The following CWF19L1 variants were observed in gnomAD, a reference collection of about 807,000 sequenced individuals.
CWF19L1 encodes the protein CWF19-like protein 1.
CWF19L1 carries 60 observed loss-of-function variants against 69.7 expected under a neutral mutation model. That is an observed-to-expected ratio of 0.86 (90% CI 0.70 to 1.07). The LOEUF is 1.07. Ranked by LOEUF, CWF19L1 falls within the 50% of genes least tolerant of loss-of-function variation. The pLI is 0.00. For missense variants in CWF19L1, 591 were observed against 638.9 expected (o/e 0.92, Z 0.81); for synonymous variants, 209 against 222.2 (o/e 0.94, Z 0.53).
intron 10 of CWF19L1, among the ~76,000 whole-genome samples, chr10:100,239,588 G>A (rs1372305661): frequency 2.0e-5 from 3 of 152,160 alleles, no homozygotes; most frequent in African/African-American, 4.8e-5. Context: ...ACAGTGAGCC[G>A]AGATCGTGCC....
intron 12 of CWF19L1, 140 bp from the exon 13 acceptor site, chr10:100,235,904 G>C (rs1207554626): frequency 3.2e-6 from 2 of 625,458 alleles, no homozygotes; most frequent in East Asian, 2.8e-5. Flanking sequence ...AAGCCACTTA[G>C]TGGAACTAGG....
intron 13 of CWF19L1, among the ~76,000 whole-genome samples, chr10:100,234,338 A>G (rs909657154): frequency 2.0e-5 from 3 of 152,238 alleles, no homozygotes; most frequent in Admixed American, 1.3e-4. Context: ...AAAATGCTAT[A>G]TAACTATAAA....
intron 7 of CWF19L1, 62 bp from the exon 8 acceptor site, chr10:100,246,997 C>A: frequency 7.0e-7 from 1 of 1,431,826 alleles, no homozygotes. Flanking sequence ...TGTAATCAAC[C>A]TATTTTACTG....
At position 100,234,463 on chromosome 10, in the gene CWF19L1, T is replaced by C. The variant is rs1846368504; in HGVS notation, c.1473-1092A>G. 2.6e-5 allele frequency among the ~76,000 whole-genome samples: 4 copies of C among 152,380 alleles called. No homozygotes were observed. In the South Asian group the frequency reaches 6.2e-4, roughly 24 times the overall value. ...ATGTGTATCTGCAATCGTGTGCTTA[T>C]GTTGTCAATGTTCATAACCGCATCT... On this transcript the variant is annotated intron_variant, in intron 13 of 13. Coordinates refer to ENST00000354105, the MANE Select transcript of CWF19L1 (RefSeq NM_018294.6).
chr10:100,256,147 T>C (rs1390256541), intron 5 of CWF19L1, 115 bp downstream of exon 5: 3 of 748,246 alleles, frequency 4.0e-6, no homozygotes, highest in African/African-American at 3.6e-5. Flanking sequence ...AGAAGACTTC[T>C]AATAAAAGGT....
intron 7 of CWF19L1, chr10:100,250,037 C>A: frequency 1.7e-6 from 1 of 573,346 alleles, no homozygotes; most frequent in Non-Finnish European, 3.1e-6. Flanking sequence ...TTCCTCTGGG[C>A]CTATTTTCCC....
intron 5 of CWF19L1, among the ~76,000 whole-genome samples, chr10:100,254,802 T>G (rs1338049170): frequency 6.6e-6 from 1 of 152,202 alleles, no homozygotes; most frequent in Non-Finnish European, 1.5e-5. Flanking sequence ...CTTCATCACT[T>G]TAGCAGCCCT....
At chr10:100,249,828 C>T (rs1342210339) in intron 7 of CWF19L1, among the ~76,000 whole-genome samples, 4 of 152,258 alleles carry the variant, frequency 2.6e-5, no homozygotes, top group Admixed American at 6.5e-5. Flanking sequence ...TCAAGTGATC[C>T]GCCCACCTCA....
intron 13 of CWF19L1, 120 bp downstream of exon 13, chr10:100,235,547 C>T: frequency 1.5e-6 from 1 of 648,654 alleles, no homozygotes; most frequent in Non-Finnish European, 2.7e-6. Context: ...GCCCTAAGAC[C>T]ATGGGTCCTC....
intron 5 of CWF19L1, 23 bp from the exon 6 acceptor site, chr10:100,253,562 T>C: frequency 7.2e-7 from 1 of 1,380,294 alleles, no homozygotes; most frequent in Non-Finnish European, 1.0e-6. Flanking sequence ...AACTTAGTCA[T>C]CCATACAGAC....
rs1846981601 is a variant in CWF19L1 at position 100,250,300 on chromosome 10, T to C, written c.656A>G (p.His219Arg). The C allele has an allele frequency of 7.4e-6, 12 of 1,612,944 alleles. No individual in the cohort carries two copies. Among genetic ancestry groups the C allele is most frequent in the Non-Finnish European group, 1.0e-5 (12 of 1,179,078 alleles). ...NHIILQENAQHATRFIALANV... is the reference protein window; with the variant it reads ...NHIILQENAQRATRFIALANV... ...TGCCAGAGCTATAAACCGGGTGGCATGCTGTGCATTTTCCTGTAGAATGAT... is the reference window on the plus strand; with the variant it reads ...TGCCAGAGCTATAAACCGGGTGGCACGCTGTGCATTTTCCTGTAGAATGAT... The change falls in exon 7 of 14, where the codon CAT becomes CGT. Residue 219 changes from histidine (H) to arginine (R), a missense_variant. This residue lies in a region of CWF19L1 where 458 missense variants were observed against 489.3 expected (regional missense o/e 0.94). Transcript: ENST00000354105.
chr10:100,248,013 G>A (rs138502255), intron 7 of CWF19L1, among the ~76,000 whole-genome samples: 10 of 152,128 alleles, frequency 6.6e-5, no homozygotes, highest in Non-Finnish European at 1.5e-4. Context: ...ATTTAACAAT[G>A]CTTGCCAAAT....
chr10:100,264,112 A>G (rs1847492560), intron 1 of CWF19L1, among the ~76,000 whole-genome samples: 1 of 152,220 alleles, frequency 6.6e-6, no homozygotes. Context: ...AGTGCAATAT[A>G]TTACTCATTT....
intron 11 of CWF19L1, among the ~76,000 whole-genome samples, chr10:100,237,673 G>C (rs1015049384): frequency 4.0e-5 from 6 of 151,828 alleles, no homozygotes; most frequent in Non-Finnish European, 8.8e-5. Context: ...TAAAGATGGA[G>C]TCTCGCTCTG....
chr10:100,248,589 A>G lies in CWF19L1; in HGVS notation c.709-1654T>C, dbSNP rs112734341. 1.1e-3 allele frequency: 800 copies of G among 739,304 alleles called. 9 individuals carry two copies. The highest frequency in any genetic ancestry group is 8.9e-3 in the African/African-American group (521 of 58,750). The allele number at this position is 739,304 out of a possible 1,614,324, so 45.8% of individuals were successfully genotyped here. ...TTCCTCGCATCTTGACCAGCATTGAAGAGGATTATGATAAGCGTGTGCTGC... is the reference window on the plus strand; with the variant it reads ...TTCCTCGCATCTTGACCAGCATTGAGGAGGATTATGATAAGCGTGTGCTGC... On this transcript the variant is annotated intron_variant, in intron 7 of 13. Coordinates refer to ENST00000354105, the MANE Select transcript of CWF19L1 (RefSeq NM_018294.6).
intron 1 of CWF19L1, 170 bp from the exon 2 acceptor site, chr10:100,262,233 C>T (rs1013814800): frequency 1.0e-6 from 1 of 985,382 alleles, no homozygotes; most frequent in Non-Finnish European, 1.2e-6. Context: ...AGGGTCTCAC[C>T]AACACCTCCC....
chr10:100,260,967 T>C lies in CWF19L1; in HGVS notation c.186A>G (p.Lys62=). The C allele has an allele frequency of 6.3e-7, 1 of 1,593,732 alleles. No individual in the cohort carries two copies. Among genetic ancestry groups the C allele is most frequent in the Non-Finnish European group, 8.6e-7 (1 of 1,165,802 alleles). The change falls in exon 3 of 14, where the codon AAA becomes AAG. Residue 62 remains lysine (K), a splice_region_variant and synonymous_variant. Coordinates refer to ENST00000354105, the MANE Select transcript of CWF19L1 (RefSeq NM_018294.6). The part of the protein sequence containing the change: ...EWEEYKTGIK[K]APIQTYVLGA... ...GTTAAATAAAAATAATTTCTATACCTTTCTTGATGCCAGTCTTATACTCCT... is the reference window on the plus strand; with the variant it reads ...GTTAAATAAAAATAATTTCTATACCCTTCTTGATGCCAGTCTTATACTCCT...
chr10:100,254,640 G>A (rs1195207202), intron 5 of CWF19L1: 1 of 152,104 alleles, frequency 6.6e-6, no homozygotes, highest in Non-Finnish European at 1.5e-5. Context: ...TAGCATCTTA[G>A]GGACTGGTGA....
chr10:100,233,026 TG>T lies in CWF19L1; in HGVS notation c.*200del. 2.5e-6 allele frequency: 1 copy of T among 406,390 alleles called. No homozygotes were observed. Among genetic ancestry groups the T allele is most frequent in the Non-Finnish European group, 4.3e-6 (1 of 234,110 alleles). 25.2% of individuals were successfully genotyped at this position (406,390 alleles called of 1,614,324 possible). A position where few individuals can be genotyped will look rare whatever the true frequency, so the allele number is the denominator to read the frequency against. ...TGCCAGGCATGGTAGCATGCGCCTG[TG>T]GTCCCAGCTACTCATGAGGCTGAGG... On this transcript the variant is annotated 3_prime_UTR_variant, in exon 14 of 14. Coordinates refer to ENST00000354105, the MANE Select transcript of CWF19L1 (RefSeq NM_018294.6).
Sources: allele counts gnomAD v4.1 joint callset (sites outside exome capture counted in the v4.1 genomes callset), GRCh38; gene constraint gnomAD v4.1.1; regional missense constraint gnomAD v4.1.1; transcripts MANE v1.5; gene names NCBI Gene and HGNC (gene_info 2026-07-23, HGNC 2026-07-21).